The following CENPO variants were observed in gnomAD, a reference collection of about 807,000 sequenced individuals.
CENPO encodes centromeric protein O.
A neutral mutation model predicts 36.1 loss-of-function variants in CENPO; 30 were observed. The observed-to-expected ratio is 0.83, with a 90% CI of 0.62 to 1.13. CENPO has a LOEUF of 1.13. CENPO is among the 50% of genes most tolerant of loss of function. The pLI is 0.00. For synonymous variants in CENPO, 171 were observed against 142.3 expected (o/e 1.20, Z -1.44); for missense variants, 349 against 357.8 (o/e 0.98, Z 0.20).
At position 24,815,732 on chromosome 2, in the gene CENPO, G is replaced by GT; in HGVS notation, c.570_571insT (p.Lys191Ter). The GT allele has an allele frequency of 3.1e-6, 5 of 1,614,148 alleles. No individual in the cohort carries two copies. The highest frequency in any genetic ancestry group is 4.2e-6 in the Non-Finnish European group (5 of 1,180,010). Reference sequence around the variant, plus strand: ...AGTACCTGAATGCTTACTCTGGGAGGAAGTACCAGGCAGACCGGCTTCAGG... The same window carrying GT: ...AGTACCTGAATGCTTACTCTGGGAGGTAAGTACCAGGCAGACCGGCTTCAGG... On this transcript the variant is annotated frameshift_variant, in exon 5 of 8. Transcript: ENST00000380834. LOFTEE classifies it high-confidence loss of function.
At chr2:24,813,062 A>G (rs1221744220) in intron 3 of CENPO, among the ~76,000 whole-genome samples, 2 of 152,106 alleles carry the variant, frequency 1.3e-5, no homozygotes, top group African/African-American at 2.4e-5. Context: ...CCTGGCCAAC[A>G]TGGTGAAACC....
intron 3 of CENPO, among the ~76,000 whole-genome samples, chr2:24,811,966 T>C (rs962217343): frequency 6.6e-6 from 1 of 152,340 alleles, no homozygotes; most frequent in South Asian, 2.1e-4. Flanking sequence ...TATTGTCTTA[T>C]TTGTCACGTA....
At chr2:24,798,620 C>G (rs1666020392) in intron 2 of CENPO, among the ~76,000 whole-genome samples, 1 of 151,966 alleles carries the variant, frequency 6.6e-6, no homozygotes, top group South Asian at 2.1e-4. Context: ...GCCACCACAC[C>G]CGGCTAATTT....
At chr2:24,818,838 C>T (rs1558384915) in intron 7 of CENPO, among the ~76,000 whole-genome samples, 1 of 152,224 alleles carries the variant, frequency 6.6e-6, no homozygotes, top group Non-Finnish European at 1.5e-5. Flanking sequence ...ACCAGGTTCT[C>T]CTGTAGCCCT....
In CENPO at chr2:24,820,977, G is replaced by T. The variant is rs1466369865; in HGVS notation, c.*1659G>T. On this transcript the variant is annotated 3_prime_UTR_variant, in exon 8 of 8. Coordinates refer to ENST00000380834, the MANE Select transcript of CENPO (RefSeq NM_001322101.2). The stretch of plus-strand genomic sequence containing the variant: ...ACACATCATTGTCCTCATTCAACTT[G>T]GCTGTATGCTATTGGAGGGTGGAAA... The T allele has an allele frequency of 1.5e-6, 2 of 1,359,420 alleles. No homozygotes were observed. The highest frequency in any genetic ancestry group is 1.0e-6 in the Non-Finnish European group (1 of 993,502). The allele number at this position is 1,359,420 out of a possible 1,614,324, so 84.2% of individuals were successfully genotyped here. A position where few individuals can be genotyped will look rare whatever the true frequency, so the allele number is the denominator to read the frequency against.
At chr2:24,811,887 C>T (rs536522210) in intron 3 of CENPO, among the ~76,000 whole-genome samples, 211 of 152,308 alleles carry the variant, frequency 1.4e-3, no homozygotes, top group African/African-American at 4.4e-3. Flanking sequence ...TGAGCCACCG[C>T]GCCTGGCAAG....
chr2:24,808,895 T>A (rs1666551411), intron 3 of CENPO, among the ~76,000 whole-genome samples: 1 of 152,102 alleles, frequency 6.6e-6, no homozygotes, highest in Non-Finnish European at 1.5e-5. Context: ...CTTTTTTTTT[T>A]TTCTATTCTT....
At chr2:24,799,625 CA>C in intron 2 of CENPO, 49 bp from the exon 3 acceptor site, 1 of 1,461,190 alleles carries the variant, frequency 6.8e-7, no homozygotes, top group Middle Eastern at 2.1e-4. Context: ...CCTGTTGCCA[CA>C]GTGAGAAATC....
rs764061379 is a variant in CENPO at position 24,820,834 on chromosome 2, C to T, written c.*1516C>T. 5.0e-6 allele frequency: 8 copies of T among 1,614,074 alleles called. No individual in the cohort carries two copies. The highest frequency in any genetic ancestry group is 6.8e-6 in the Non-Finnish European group (8 of 1,179,980). On this transcript the variant is annotated 3_prime_UTR_variant, in exon 8 of 8. Transcript: ENST00000380834. ...GCTCCGATGACCCCAGCCAGAACCC[C>T]GCCTTTGTTCATGCCTAGGGTAGAG... is the stretch of plus-strand genomic sequence containing the variant.
rs115178831 is a variant in CENPO at position 24,807,745 on chromosome 2, T to G, written c.217-6631T>G. Among the ~76,000 whole-genome samples, 538 of 152,360 alleles carry G rather than the reference T, an allele frequency of 3.5e-3. 2 individuals carry two copies. Among genetic ancestry groups the G allele is most frequent in the Non-Finnish European group, 5.9e-3 (398 of 68,032 alleles). Reference sequence around the variant, plus strand: ...GAAAGTGATTGTACCAGTTTTACATTCCCAGCAATAGTGTTAAATTCCATT... The same window carrying G: ...GAAAGTGATTGTACCAGTTTTACATGCCCAGCAATAGTGTTAAATTCCATT... On this transcript the variant is annotated intron_variant, in intron 3 of 7. Coordinates refer to ENST00000380834, the MANE Select transcript of CENPO (RefSeq NM_001322101.2).
chr2:24,814,739 C>T (rs1402238193), intron 4 of CENPO: 2 of 489,178 alleles, frequency 4.1e-6, no homozygotes, highest in Non-Finnish European at 7.4e-6. Context: ...TGGCTTATTC[C>T]ACTCATCTTA....
rs750271582 is a variant in CENPO, at chr2:24,793,979, C to T, written c.46+14C>T. 13 of 1,588,490 alleles carry T rather than the reference C, an allele frequency of 8.2e-6. No individual in the cohort carries two copies. The South Asian group carries it at 9.9e-5, about 12-fold the overall frequency. The stretch of plus-strand genomic sequence containing the variant: ...AGTCCAAAGGAGGTATTCAGAGGGT[C>T]GCCGCCTCCTTCCTGCTGCTGCCCA... On this transcript the variant is annotated intron_variant, in intron 2 of 7. Transcript: ENST00000380834.
chr2:24,814,686 A>G (rs1666861006), intron 4 of CENPO, 193 bp downstream of exon 4: 1 of 564,680 alleles, frequency 1.8e-6, no homozygotes. Flanking sequence ...ATCTTCACCT[A>G]CAAGATTGAC....
chr2:24,817,047 C>T (rs1298690748), intron 6 of CENPO, among the ~76,000 whole-genome samples: 1 of 152,182 alleles, frequency 6.6e-6, no homozygotes, highest in East Asian at 1.9e-4. Context: ...TTTGCCCACC[C>T]ACCTCAGCAG....
At chr2:24,796,539 G>T (rs554584477) in intron 2 of CENPO, among the ~76,000 whole-genome samples, 1 of 152,248 alleles carries the variant, frequency 6.6e-6, no homozygotes, top group African/African-American at 2.4e-5. Context: ...GTGGCCGGGT[G>T]CGGTGGCTCA....
In CENPO at chr2:24,821,771, A is replaced by G; in HGVS notation, c.*2453A>G. 1 of 1,385,656 alleles carries G rather than the reference A, an allele frequency of 7.2e-7. No individual in the cohort carries two copies. The highest frequency in any genetic ancestry group is 1.4e-5 in the South Asian group (1 of 71,418). 85.8% of individuals were successfully genotyped at this position (1,385,656 alleles called of 1,614,324 possible). On this transcript the variant is annotated 3_prime_UTR_variant, in exon 8 of 8. Coordinates refer to ENST00000380834, the MANE Select transcript of CENPO (RefSeq NM_001322101.2). ...TGTTCAAGGCCTTACTTTTCCTCCC[A>G]CAAAGGAGTCGCAGCCACGCTAGCT...
rs144510941 is a variant in CENPO, at chr2:24,799,774, G to A, written c.146G>A (p.Gly49Glu). The A allele has an allele frequency of 4.2e-5, 67 of 1,614,090 alleles. No individual in the cohort carries two copies. Among genetic ancestry groups the A allele is most frequent in the Non-Finnish European group, 5.5e-5 (65 of 1,180,034 alleles). The change falls in exon 3 of 8, where the codon GGA (glycine) becomes GAA (glutamate). Residue 49 changes from glycine (G) to glutamate (E), a missense_variant. Physicochemically the swap from Gly to Glu is moderately conservative, Grantham distance 98. Coordinates refer to ENST00000380834, the MANE Select transcript of CENPO (RefSeq NM_001322101.2). ...QSVQAQEGAL[G>E]TKIHKLRRLR... Reference sequence around the variant, plus strand: ...GTGCAGGCCCAGGAAGGTGCTCTTGGAACCAAGATTCATAAACTAAGGCGT... The same window carrying A: ...GTGCAGGCCCAGGAAGGTGCTCTTGAAACCAAGATTCATAAACTAAGGCGT...
Position 24,803,210 on chromosome 2 carries a change from C to T in CENPO, c.216+3366C>T, listed in dbSNP as rs905575681. Reference sequence around the variant, plus strand: ...CATTTTTTATTGCGTCTACTTGATTCTTCTCTCTTTTCTTCTTTATTAGTC... The same window carrying T: ...CATTTTTTATTGCGTCTACTTGATTTTTCTCTCTTTTCTTCTTTATTAGTC... On this transcript the variant is annotated intron_variant, in intron 3 of 7. Coordinates refer to ENST00000380834, the MANE Select transcript of CENPO (RefSeq NM_001322101.2). Among the ~76,000 whole-genome samples, 4 of 149,834 alleles carry T rather than the reference C, an allele frequency of 2.7e-5. No homozygotes were observed. The Admixed American group carries it at 2.7e-4, about 10-fold the overall frequency.
Position 24,821,506 on chromosome 2 carries a change from G to C in CENPO, c.*2188G>C, listed in dbSNP as rs188738597. The C allele has an allele frequency of 2.3e-4, 366 of 1,613,590 alleles. 2 individuals are homozygous for C. In the African/African-American group the frequency reaches 4.1e-3, roughly 18 times the overall value. The stretch of plus-strand genomic sequence containing the variant: ...AGCCTGCTGCGGGGCAGGCCAGCTG[G>C]GGGTGCTCACCTATGCGCAGCATGA... On this transcript the variant is annotated 3_prime_UTR_variant, in exon 8 of 8. Coordinates refer to ENST00000380834, the MANE Select transcript of CENPO (RefSeq NM_001322101.2).
Sources: allele counts gnomAD v4.1 joint callset (sites outside exome capture counted in the v4.1 genomes callset), GRCh38; gene constraint gnomAD v4.1.1; transcripts MANE v1.5; gene names NCBI Gene and HGNC (gene_info 2026-07-23, HGNC 2026-07-21).